BLNK: variants seen among roughly 807,000 people sequenced by gnomAD.
The protein encoded by BLNK is B-cell linker protein.
In BLNK, 29 loss-of-function variants were observed where a neutral mutation model predicts 73.5. The ratio of observed to expected loss-of-function variants is 0.39; its 90% CI spans 0.29 to 0.54. BLNK has a LOEUF of 0.54. BLNK is among the 20% of genes least tolerant of loss of function. The pLI is 0.61. For missense variants in BLNK, 460 were observed against 562.8 expected (o/e 0.82, Z 1.85); for synonymous variants, 176 against 200.8 (o/e 0.88, Z 1.04).
intron 12 of BLNK, 88 bp downstream of exon 12, chr10:96,204,442 CAA>C (rs2083741601): frequency 2.9e-6 from 4 of 1,392,624 alleles, no homozygotes; most frequent in Non-Finnish European, 4.1e-6. Flanking sequence ...CCTAGCACTG[CAA>C]GTCAGTGTCA....
Position 96,189,948 on chromosome 10 carries a change from A to C in BLNK, c.*2025T>G. 1 of 932,434 alleles carries C rather than the reference A, an allele frequency of 1.1e-6. No individual in the cohort carries two copies. The highest frequency in any genetic ancestry group is 1.6e-5 in the African/African-American group (1 of 62,828). 57.8% of individuals were successfully genotyped at this position (932,434 alleles called of 1,614,324 possible). A position where few individuals can be genotyped will look rare whatever the true frequency, so the allele number is the denominator to read the frequency against. ...AAAAGCACTGGTGGTGTTATTTCAA[A>C]GACCCCAAGGGAAACTGTTGGCTGT... On this transcript the variant is annotated 3_prime_UTR_variant, in exon 17 of 17. Transcript: ENST00000224337.
Position 96,216,642 on chromosome 10 carries a change from C to A in BLNK, c.607+11G>T. On this transcript the variant is annotated intron_variant, in intron 7 of 16. Coordinates refer to ENST00000224337, the MANE Select transcript of BLNK (RefSeq NM_013314.4). ...AAAAATTTTCAGGTGCTTAAGGCGA[C>A]AAACTCTTACCTTTTTCAGGTGGAG... 2 of 1,613,792 alleles carry A rather than the reference C, an allele frequency of 1.2e-6. No homozygotes were observed. The highest frequency in any genetic ancestry group is 1.1e-5 in the South Asian group (1 of 91,070).
At chr10:96,213,451 G>A (rs1321511958) in intron 8 of BLNK, among the ~76,000 whole-genome samples, 1 of 152,230 alleles carries the variant, frequency 6.6e-6, no homozygotes, top group Admixed American at 6.5e-5. Context: ...CTCTCTGAGG[G>A]CTACAGAAAC....
intron 8 of BLNK, among the ~76,000 whole-genome samples, chr10:96,214,123 AGT>A (rs1564823343): frequency 6.6e-6 from 1 of 152,012 alleles, no homozygotes; most frequent in African/African-American, 2.4e-5. Flanking sequence ...GAGAGAAGAG[AGT>A]GTGTGTGTAT....
intron 2 of BLNK, among the ~76,000 whole-genome samples, chr10:96,245,720 G>A (rs924672148): frequency 6.6e-6 from 1 of 152,122 alleles, no homozygotes; most frequent in African/African-American, 2.4e-5. Flanking sequence ...GTAGAATGGC[G>A]CATGCACTAT....
At chr10:96,245,537 A>G (rs782005375) in intron 2 of BLNK, among the ~76,000 whole-genome samples, 3 of 152,200 alleles carry the variant, frequency 2.0e-5, no homozygotes, top group Non-Finnish European at 4.4e-5. Context: ...ACCGGTTTAA[A>G]TTCAAATCCC....
At chr10:96,247,288 G>A (rs1362824000) in intron 1 of BLNK, among the ~76,000 whole-genome samples, 5 of 152,160 alleles carry the variant, frequency 3.3e-5, no homozygotes, top group Admixed American at 1.3e-4. Flanking sequence ...TGGGATGTCT[G>A]GACCAGTCTC....
intron 6 of BLNK, among the ~76,000 whole-genome samples, chr10:96,220,719 T>C (rs148775862): frequency 1.2e-4 from 18 of 149,254 alleles, no homozygotes; most frequent in African/African-American, 4.4e-4. Context: ...TAGATTATTA[T>C]ACTACCATGA....
At chr10:96,262,778 T>C (rs1354019244) in intron 1 of BLNK, among the ~76,000 whole-genome samples, 3 of 152,238 alleles carry the variant, frequency 2.0e-5, no homozygotes, top group African/African-American at 7.2e-5. Flanking sequence ...AACACACAAT[T>C]GTCTGAAATA....
chr10:96,271,559 T>C lies in BLNK; in HGVS notation c.-161A>G. The C allele has an allele frequency of 1.4e-6, 1 of 710,110 alleles. No individual in the cohort carries two copies. Among genetic ancestry groups the C allele is most frequent in the Non-Finnish European group, 2.5e-6 (1 of 397,314 alleles). 44.0% of individuals were successfully genotyped at this position (710,110 alleles called of 1,614,324 possible). The stretch of plus-strand genomic sequence containing the variant: ...AGGCTGCTGGCAAACACCCCTGCTC[T>C]AGGGAGAAGTAAAACTTGCCCGAGC... On this transcript the variant is annotated 5_prime_UTR_variant, in exon 1 of 17. Transcript: ENST00000224337.
Position 96,191,712 on chromosome 10 carries a change from T to G in BLNK, c.*261A>C. The stretch of plus-strand genomic sequence containing the variant: ...TATACTTTACACTTATTTTTAAAAA[T>G]AAAAATATTTATTTGGAAAATATTA... On this transcript the variant is annotated 3_prime_UTR_variant, in exon 17 of 17. Coordinates refer to ENST00000224337, the MANE Select transcript of BLNK (RefSeq NM_013314.4). The G allele has an allele frequency of 3.0e-6, 1 of 328,560 alleles. No individual in the cohort carries two copies. Among genetic ancestry groups the G allele is most frequent in the South Asian group, 3.8e-5 (1 of 25,990 alleles). 20.4% of individuals were successfully genotyped at this position (328,560 alleles called of 1,614,324 possible).
At chr10:96,217,271 A>C (rs1482761020) in intron 6 of BLNK, among the ~76,000 whole-genome samples, 1 of 152,196 alleles carries the variant, frequency 6.6e-6, no homozygotes, top group Non-Finnish European at 1.5e-5. Context: ...TAATGGTGTC[A>C]TGACTATTCA....
chr10:96,221,286 C>T lies in BLNK; in HGVS notation c.525+2540G>A, dbSNP rs116627737. On this transcript the variant is annotated intron_variant, in intron 6 of 16. Coordinates refer to ENST00000224337, the MANE Select transcript of BLNK (RefSeq NM_013314.4). ...CTCTCTCATTATAGCACAGATGCTC[C>T]TTCCTCCTAAATGTCTTTGCCCCAC... Among the ~76,000 whole-genome samples, 1,465 of 152,306 alleles carry T rather than the reference C, an allele frequency of 9.6e-3. 24 individuals are homozygous for T. Among genetic ancestry groups the T allele is most frequent in the African/African-American group, 0.033 (1,370 of 41,552 alleles).
chr10:96,230,072 A>G (rs1411198091), intron 4 of BLNK, among the ~76,000 whole-genome samples: 1 of 152,232 alleles, frequency 6.6e-6, no homozygotes, highest in African/African-American at 2.4e-5. Context: ...GGAGCAGGCT[A>G]ACATTCTGGA....
At chr10:96,207,397 T>C (rs2083844576) in intron 10 of BLNK, among the ~76,000 whole-genome samples, 1 of 152,018 alleles carries the variant, frequency 6.6e-6, no homozygotes, top group African/African-American at 2.4e-5. Flanking sequence ...GACCCCCCCC[T>C]TCTGTGTGTT....
chr10:96,206,950 C>T, intron 11 of BLNK, 61 bp downstream of exon 11: 1 of 1,514,618 alleles, frequency 6.6e-7, no homozygotes, highest in Non-Finnish European at 9.2e-7. Context: ...TGTGTACATA[C>T]AAATCCTTAA....
intron 1 of BLNK, among the ~76,000 whole-genome samples, chr10:96,261,612 C>A (rs1843759438): frequency 6.6e-6 from 1 of 152,010 alleles, no homozygotes; most frequent in Admixed American, 6.5e-5. Context: ...TGAAGTCCTG[C>A]CATGGTAAAA....
At chr10:96,199,610 G>A in intron 15 of BLNK, 1 of 437,908 alleles carries the variant, frequency 2.3e-6, no homozygotes, top group Admixed American at 2.5e-5. Context: ...TTTCTCTTGA[G>A]TAAGTAAAGG....
intron 13 of BLNK, among the ~76,000 whole-genome samples, chr10:96,202,110 GGAGAA>G (rs2083658745): frequency 6.6e-6 from 1 of 152,142 alleles, no homozygotes; most frequent in Non-Finnish European, 1.5e-5. Flanking sequence ...TAAGAAAAGG[GGAGAA>G]GAGTAAGAGA....
Sources: allele counts gnomAD v4.1 joint callset (sites outside exome capture counted in the v4.1 genomes callset), GRCh38; gene constraint gnomAD v4.1.1; transcripts MANE v1.5; gene names NCBI Gene and HGNC (gene_info 2026-07-23, HGNC 2026-07-21).